Variants in PLEKHA2 observed in about 807,000 individuals in gnomAD.
The protein encoded by PLEKHA2 is pleckstrin homology domain containing A2.
Under a neutral mutation model 53.2 loss-of-function variants are expected in PLEKHA2, and 28 were observed. That is an observed-to-expected ratio of 0.53 (90% CI 0.39 to 0.72). The LOEUF (loss-of-function observed/expected upper bound fraction) is 0.72, where lower values mean the gene tolerates loss of function less well. PLEKHA2 is among the 30% of genes least tolerant of loss of function. The pLI is 0.00. For missense variants in PLEKHA2, 426 were observed against 537.9 expected (o/e 0.79, Z 2.06); for synonymous variants, 193 against 196.4 (o/e 0.98, Z 0.14).
chr8:38,924,406 C>T (rs10098261), intron 2 of PLEKHA2, among the ~76,000 whole-genome samples: 49,744 of 151,870 alleles, frequency 0.33, 8,289 homozygotes, highest in Middle Eastern at 0.4. Context: ...AGGAAATGTT[C>T]CCGCGGGGAC....
chr8:38,942,609 C>T (rs1457397613), intron 3 of PLEKHA2, among the ~76,000 whole-genome samples: 2 of 152,108 alleles, frequency 1.3e-5, no homozygotes, highest in Non-Finnish European at 2.9e-5. Context: ...CGGCCTAGGA[C>T]CCATGGGAAG....
At chr8:38,920,856 A>G (rs1336167238) in intron 2 of PLEKHA2, among the ~76,000 whole-genome samples, 1 of 150,924 alleles carries the variant, frequency 6.6e-6, no homozygotes, top group Non-Finnish European at 1.5e-5. Context: ...GCTGGAGTGC[A>G]ATGGCGCGAT....
intron 1 of PLEKHA2, among the ~76,000 whole-genome samples, chr8:38,912,328 A>C (rs1833966304): frequency 6.6e-6 from 1 of 152,174 alleles, no homozygotes; most frequent in Non-Finnish European, 1.5e-5. Context: ...AACAAACAAA[A>C]AACCAACCAT....
intron 3 of PLEKHA2, among the ~76,000 whole-genome samples, chr8:38,939,055 C>A (rs1290833020): frequency 1.3e-5 from 2 of 152,024 alleles, no homozygotes; most frequent in Admixed American, 6.5e-5. Context: ...AGGTGTGTAC[C>A]ACCATGCCTG....
chr8:38,937,214 A>G (rs890807713), intron 3 of PLEKHA2, among the ~76,000 whole-genome samples: 8 of 152,188 alleles, frequency 5.3e-5, no homozygotes, highest in Non-Finnish European at 1.0e-4. Flanking sequence ...GGAGAGAATG[A>G]CCTCAGGGAA....
chr8:38,906,881 C>T (rs566747985), intron 1 of PLEKHA2, among the ~76,000 whole-genome samples: 1 of 152,288 alleles, frequency 6.6e-6, no homozygotes, highest in Non-Finnish European at 1.5e-5. Context: ...TTGACATGGT[C>T]CGTATGTATT....
chr8:38,969,518 T>C lies in PLEKHA2; in HGVS notation c.1013T>C (p.Leu338Ser). Residue 338 changes from leucine to serine, a missense_variant, in exon 12 of 12, where the codon TTG (leucine) becomes TCG (serine). By Grantham distance (145) the Leu-to-Ser change is moderately radical. Coordinates refer to ENST00000617275, the MANE Select transcript of PLEKHA2 (RefSeq NM_021623.2). ...NSILCRGRPP[L>S]EEKKALCKAP... ...ATCCTGTGCAGGGGGCGGCCACCTTTGGAGGAAAAGAAAGCCCTCTGCAAA... is the reference window on the plus strand; with the variant it reads ...ATCCTGTGCAGGGGGCGGCCACCTTCGGAGGAAAAGAAAGCCCTCTGCAAA... 6.2e-7 allele frequency: 1 copy of C among 1,613,590 alleles called. No homozygotes were observed. The highest frequency in any genetic ancestry group is 8.5e-7 in the Non-Finnish European group (1 of 1,179,688).
chr8:38,963,340 G>A (rs1835073749), intron 10 of PLEKHA2, among the ~76,000 whole-genome samples: 1 of 152,152 alleles, frequency 6.6e-6, no homozygotes, highest in South Asian at 2.1e-4. Context: ...GTTTTACTGA[G>A]TTTAAAGTAT....
At chr8:38,933,896 G>A (rs1425454124) in intron 2 of PLEKHA2, among the ~76,000 whole-genome samples, 1 of 151,932 alleles carries the variant, frequency 6.6e-6, no homozygotes. Context: ...GCTGTAAGAG[G>A]CAGCTCCTTA....
At chr8:38,912,264 A>G (rs1376136123) in intron 1 of PLEKHA2, among the ~76,000 whole-genome samples, 2 of 152,238 alleles carry the variant, frequency 1.3e-5, no homozygotes, top group African/African-American at 2.4e-5. Flanking sequence ...AGATGGCTCC[A>G]CTGCACTCCA....
chr8:38,964,627 A>G (rs963197708), intron 10 of PLEKHA2, among the ~76,000 whole-genome samples: 1 of 151,970 alleles, frequency 6.6e-6, no homozygotes, highest in African/African-American at 2.4e-5. Flanking sequence ...AGGTGGGTGA[A>G]CCATAGTATA....
intron 4 of PLEKHA2, among the ~76,000 whole-genome samples, chr8:38,945,147 G>A (rs115801297): frequency 6.6e-6 from 1 of 152,138 alleles, no homozygotes; most frequent in Admixed American, 6.5e-5. Flanking sequence ...TAGTTACTTG[G>A]CTCCTACTAT....
chr8:38,953,599 C>T (rs1350382188), intron 9 of PLEKHA2, among the ~76,000 whole-genome samples: 2 of 152,110 alleles, frequency 1.3e-5, no homozygotes, highest in Non-Finnish European at 2.9e-5. Flanking sequence ...GCAGATAGGC[C>T]TACGTAATAG....
At chr8:38,947,829 C>T (rs1417918620) in intron 5 of PLEKHA2, among the ~76,000 whole-genome samples, 1 of 152,104 alleles carries the variant, frequency 6.6e-6, no homozygotes, top group African/African-American at 2.4e-5. Context: ...TGGCTCACGC[C>T]TGTAATCCCA....
intron 1 of PLEKHA2, among the ~76,000 whole-genome samples, chr8:38,904,164 G>A (rs1416511504): frequency 1.3e-5 from 2 of 152,300 alleles, no homozygotes; most frequent in East Asian, 3.9e-4. Flanking sequence ...GGAGGCCGGG[G>A]GTTGGTGTAG....
chr8:38,967,851 G>A (rs961923317), intron 10 of PLEKHA2, among the ~76,000 whole-genome samples: 1 of 151,868 alleles, frequency 6.6e-6, no homozygotes, highest in Non-Finnish European at 1.5e-5. Flanking sequence ...TAGTAGAGAC[G>A]GGGTTTCACC....
intron 6 of PLEKHA2, among the ~76,000 whole-genome samples, chr8:38,951,921 T>A (rs971437340): frequency 2.6e-5 from 4 of 152,180 alleles, no homozygotes; most frequent in African/African-American, 9.7e-5. Flanking sequence ...AAACAATTTT[T>A]AATTTTTTTG....
Position 38,905,161 on chromosome 8 carries a change from A to G in PLEKHA2, c.-24+3716A>G, listed in dbSNP as rs141961982. 2.6e-5 allele frequency among the ~76,000 whole-genome samples: 4 copies of G among 152,218 alleles called. No individual in the cohort carries two copies. The East Asian group carries it at 7.7e-4, about 29-fold the overall frequency. ...TCATCTTCTTGCAAAAGTTCCCTCAAAAATACTCATATTGGCTGGATGCCG... is the reference window on the plus strand; with the variant it reads ...TCATCTTCTTGCAAAAGTTCCCTCAGAAATACTCATATTGGCTGGATGCCG... On this transcript the variant is annotated intron_variant, in intron 1 of 11. Coordinates refer to ENST00000617275, the MANE Select transcript of PLEKHA2 (RefSeq NM_021623.2).
intron 3 of PLEKHA2, among the ~76,000 whole-genome samples, chr8:38,943,364 T>TA (rs1353742411): frequency 6.6e-6 from 1 of 151,810 alleles, no homozygotes; most frequent in African/African-American, 2.4e-5. Context: ...TAGGGGCATT[T>TA]AAAAAAAATT....
Sources: gnomAD v4.1 joint callset for allele counts (sites outside exome capture counted in the v4.1 genomes callset) on GRCh38, gnomAD v4.1.1 for gene constraint, MANE v1.5 for transcripts, NCBI Gene and HGNC (gene_info 2026-07-23, HGNC 2026-07-21) for gene names.